NCOA1: variants seen among roughly 807,000 people sequenced by gnomAD.
NCOA1 encodes the protein nuclear receptor coactivator 1, also known as Hin-2 protein.
In NCOA1, 35 loss-of-function variants were observed where a neutral mutation model predicts 150.9. The observed-to-expected ratio is 0.23, with a 90% confidence interval of 0.18 to 0.31. The LOEUF (loss-of-function observed/expected upper bound fraction) is 0.31, where lower values mean the gene tolerates loss of function less well. Among genes scored for constraint, NCOA1 ranks in the 10% least tolerant of loss-of-function variants. NCOA1 has a pLI of 1.00. For missense variants in NCOA1, 1,491 were observed against 1,749.3 expected (o/e 0.85, Z 2.63); for synonymous variants, 590 against 630.0 (o/e 0.94, Z 0.95).
chr2:24,675,009 C>T (rs577149112), intron 7 of NCOA1, among the ~76,000 whole-genome samples: 9 of 152,350 alleles, frequency 5.9e-5, no homozygotes, highest in Admixed American at 1.3e-4. Context: ...TGGCCCCTTT[C>T]ACAGTGTTCT....
chr2:24,492,013 C>T (rs867267331), intron 1 of NCOA1: 1 of 151,970 alleles, frequency 6.6e-6, no homozygotes, highest in Non-Finnish European at 1.5e-5. Context: ...GGGCGCCCCT[C>T]GGCCCCGACG....
At chr2:24,541,936 A>G (rs1400578550) in intron 1 of NCOA1, among the ~76,000 whole-genome samples, 1 of 152,236 alleles carries the variant, frequency 6.6e-6, no homozygotes, top group African/African-American at 2.4e-5. Flanking sequence ...GATTATTATG[A>G]ACAAGAAGGC....
chr2:24,769,092 G>C lies in NCOA1; in HGVS notation c.*701G>C, dbSNP rs1196005425. The C allele has an allele frequency of 4.7e-6, 1 of 213,454 alleles. No individual in the cohort carries two copies. Among genetic ancestry groups the C allele is most frequent in the African/African-American group, 2.3e-5 (1 of 44,160 alleles). The allele number at this position is 213,454 out of a possible 1,614,324, so 13.2% of individuals were successfully genotyped here. A position where few individuals can be genotyped will look rare whatever the true frequency, so the allele number is the denominator to read the frequency against. On this transcript the variant is annotated 3_prime_UTR_variant, in exon 23 of 23. Coordinates refer to ENST00000348332, the MANE Select transcript of NCOA1 (RefSeq NM_003743.5). The stretch of plus-strand genomic sequence containing the variant: ...AATGCAATAATTTTTGATGAGATGG[G>C]TGAAGGACAAGAAGTGAGTTGTGTC...
At chr2:24,523,099 A>G (rs1195771876) in intron 1 of NCOA1, among the ~76,000 whole-genome samples, 1 of 152,186 alleles carries the variant, frequency 6.6e-6, no homozygotes, top group African/African-American at 2.4e-5. Context: ...ATCTGTAGGT[A>G]GATTATTTGC....
intron 19 of NCOA1, 148 bp downstream of exon 19, chr2:24,742,334 C>G: frequency 1.1e-6 from 1 of 883,648 alleles, no homozygotes. Context: ...GATTCAGACT[C>G]AGCTTTTGAC....
At chr2:24,730,871 C>CAAAA (rs35975198) in intron 17 of NCOA1, among the ~76,000 whole-genome samples, 13 of 61,850 alleles carry the variant, frequency 2.1e-4, no homozygotes, top group Non-Finnish European at 2.6e-4. Context: ...ACTAAAAGTA[C>CAAAA]AAAAAAAAAA....
At chr2:24,742,933 G>T (rs1663685890) in intron 19 of NCOA1, among the ~76,000 whole-genome samples, 1 of 152,178 alleles carries the variant, frequency 6.6e-6, no homozygotes, top group Non-Finnish European at 1.5e-5. Flanking sequence ...TGCTGCTGTT[G>T]CAGCTTCCTC....
rs369890735 is a variant in NCOA1, at chr2:24,707,865, A to T, written c.2395A>T (p.Ile799Leu). The change falls in exon 13 of 23, where the codon ATA (isoleucine) becomes TTA (leucine). Residue 799 changes from isoleucine to leucine, a missense_variant. Coordinates refer to ENST00000348332, the MANE Select transcript of NCOA1 (RefSeq NM_003743.5). The part of the protein sequence containing the change: ...TPMTKPTPEE[I>L]KLEAQSQFTA... ...AATGACCAAACCCACTCCTGAGGAA[A>T]TAAAACTGGAGGCCCAGAGCCAGGT... 4.3e-5 allele frequency: 69 copies of T among 1,594,302 alleles called. No individual in the cohort carries two copies. The highest frequency in any genetic ancestry group is 5.5e-5 in the Non-Finnish European group (65 of 1,174,106).
intron 4 of NCOA1, among the ~76,000 whole-genome samples, chr2:24,649,432 A>G (rs1413818628): frequency 1.3e-5 from 2 of 152,364 alleles, no homozygotes; most frequent in East Asian, 3.9e-4. Flanking sequence ...AAATACCAAC[A>G]CAAATTAAAG....
At chr2:24,766,540 G>C (rs1420095368) in intron 22 of NCOA1, among the ~76,000 whole-genome samples, 4 of 152,074 alleles carry the variant, frequency 2.6e-5, no homozygotes, top group Non-Finnish European at 5.9e-5. Context: ...TATACAGAAA[G>C]GGAGAAGAAA....
At chr2:24,529,420 T>C (rs1379990754) in intron 1 of NCOA1, among the ~76,000 whole-genome samples, 1 of 152,212 alleles carries the variant, frequency 6.6e-6, no homozygotes, top group Non-Finnish European at 1.5e-5. Context: ...CTTGAATTCT[T>C]GGGCATAAGT....
intron 3 of NCOA1, among the ~76,000 whole-genome samples, chr2:24,632,856 C>T (rs1669765719): frequency 6.6e-6 from 1 of 152,078 alleles, no homozygotes; most frequent in Non-Finnish European, 1.5e-5. Context: ...AATATTTATG[C>T]CCTCACAAAG....
At chr2:24,574,683 A>C (rs1387647027) in intron 2 of NCOA1, among the ~76,000 whole-genome samples, 1 of 151,996 alleles carries the variant, frequency 6.6e-6, no homozygotes, top group African/African-American at 2.4e-5. Flanking sequence ...TTTAAGTGCA[A>C]AATCTGCTGC....
intron 14 of NCOA1, among the ~76,000 whole-genome samples, chr2:24,723,149 G>T: frequency 6.6e-6 from 1 of 151,812 alleles, no homozygotes; most frequent in African/African-American, 2.4e-5. Flanking sequence ...CGTTTTTTCT[G>T]TACCTTCAAA....
rs919594813 is a variant in NCOA1, at chr2:24,769,341, C to G, written c.*950C>G. ...TTTAATTTTATGCTTTTATTATACT[C>G]TTGATTTTTCTAAATTTGTGTGTGA... On this transcript the variant is annotated 3_prime_UTR_variant, in exon 23 of 23. Coordinates refer to ENST00000348332, the MANE Select transcript of NCOA1 (RefSeq NM_003743.5). 4 of 187,240 alleles carry G rather than the reference C, an allele frequency of 2.1e-5. No individual in the cohort carries two copies. The highest frequency in any genetic ancestry group is 7.0e-5 in the African/African-American group (3 of 42,690). The allele number at this position is 187,240 out of a possible 1,614,324, so 11.6% of individuals were successfully genotyped here. A position where few individuals can be genotyped will look rare whatever the true frequency, so the allele number is the denominator to read the frequency against.
At chr2:24,732,131 A>T (rs888803965) in intron 17 of NCOA1, among the ~76,000 whole-genome samples, 3 of 152,170 alleles carry the variant, frequency 2.0e-5, no homozygotes, top group Non-Finnish European at 4.4e-5. Context: ...TTCATGCTTG[A>T]TTCAGAAAAA....
rs149243241 is a variant in NCOA1 at position 24,729,334 on chromosome 2, G to A, written c.2887-167G>A. Among the ~76,000 whole-genome samples, 9 of 152,064 alleles carry A rather than the reference G, an allele frequency of 5.9e-5. No individual in the cohort carries two copies. The East Asian group carries it at 1.5e-3, about 26-fold the overall frequency. On this transcript the variant is annotated intron_variant, in intron 16 of 22. Transcript: ENST00000348332. ...AGATTTTAAATATCTCAGCTAATCC[G>A]TTACTCCATTTCAAAAGCAGCTTTT...
At chr2:24,497,257 CTT>C (rs201389599) in intron 1 of NCOA1, among the ~76,000 whole-genome samples, 3 of 147,308 alleles carry the variant, frequency 2.0e-5, no homozygotes, top group Admixed American at 2.0e-4. Context: ...CCACATTATA[CTT>C]TTTTTTTTTT....
At chr2:24,497,020 A>G (rs1443619532) in intron 1 of NCOA1, among the ~76,000 whole-genome samples, 1 of 152,322 alleles carries the variant, frequency 6.6e-6, no homozygotes, top group Non-Finnish European at 1.5e-5. Flanking sequence ...GCCCTCATTC[A>G]TAGTCAGCAA....
Sources: gnomAD v4.1 joint callset for allele counts (sites outside exome capture counted in the v4.1 genomes callset) on GRCh38, gnomAD v4.1.1 for gene constraint, MANE v1.5 for transcripts, NCBI Gene and HGNC (gene_info 2026-07-23, HGNC 2026-07-21) for gene names.